LRP1B: variants seen among roughly 807,000 people sequenced by gnomAD.
The protein encoded by LRP1B is LDL receptor related protein 1B.
Under a neutral mutation model 556.6 loss-of-function variants are expected in LRP1B, and 217 were observed. The ratio of observed to expected loss-of-function variants is 0.39; its 90% CI spans 0.35 to 0.44. The LOEUF is 0.44. Ranked by LOEUF, LRP1B falls within the 20% of genes least tolerant of loss-of-function variation. The pLI, the probability that LRP1B is intolerant of heterozygous loss-of-function variation, is 1.00. For synonymous variants in LRP1B, 2,047 were observed against 1,865.8 expected (o/e 1.10, Z -2.50); for missense variants, 5,053 against 5,620.8 (o/e 0.90, Z 3.23).
chr2:142,112,966 T>C lies in LRP1B; in HGVS notation c.82+17682A>G, dbSNP rs180940506. Among the ~76,000 whole-genome samples, 13 of 152,264 alleles carry C rather than the reference T, an allele frequency of 8.5e-5. No individual in the cohort carries two copies. In the East Asian group the frequency reaches 2.5e-3, roughly 29 times the overall value. On this transcript the variant is annotated intron_variant, in intron 1 of 90. Coordinates refer to ENST00000389484, the MANE Select transcript of LRP1B (RefSeq NM_018557.3). ...CTCTTATTGCAAAATTTAATCTAAC[T>C]AGATGCTAATAAAAATAAGTTGGTA...
At chr2:140,985,729 C>T (rs996813125) in intron 17 of LRP1B, among the ~76,000 whole-genome samples, 1 of 151,858 alleles carries the variant, frequency 6.6e-6, no homozygotes, top group Admixed American at 6.6e-5. Flanking sequence ...ACAATCTATT[C>T]TGGTCAATTG....
At chr2:140,989,791 C>A (rs897299278) in intron 16 of LRP1B, 134 bp from the exon 17 acceptor site, 10 of 742,998 alleles carry the variant, frequency 1.3e-5, no homozygotes, top group East Asian at 8.5e-5. Context: ...TCATTCATTG[C>A]CTTATATTTA....
At chr2:141,297,148 G>T (rs1490858453) in intron 3 of LRP1B, among the ~76,000 whole-genome samples, 1 of 152,114 alleles carries the variant, frequency 6.6e-6, no homozygotes, top group African/African-American at 2.4e-5. Context: ...GCTATTGTGA[G>T]TAGTGCTGCT....
At chr2:140,453,300 G>A (rs984605540) in intron 62 of LRP1B, among the ~76,000 whole-genome samples, 1 of 151,504 alleles carries the variant, frequency 6.6e-6, no homozygotes, top group African/African-American at 2.4e-5. Flanking sequence ...GGGAGGCCAG[G>A]GTAAAATATA....
intron 2 of LRP1B, among the ~76,000 whole-genome samples, chr2:141,535,656 C>A (rs1376633084): frequency 6.6e-6 from 1 of 151,970 alleles, no homozygotes; most frequent in Non-Finnish European, 1.5e-5. Context: ...TCTTTCCTGG[C>A]AAATAAACCA....
At chr2:141,307,609 A>G (rs966081986) in intron 3 of LRP1B, among the ~76,000 whole-genome samples, 1 of 152,102 alleles carries the variant, frequency 6.6e-6, no homozygotes, top group African/African-American at 2.4e-5. Flanking sequence ...ACCTGTTTAC[A>G]TCCAAGGTTA....
chr2:141,610,216 T>C (rs986422996), intron 2 of LRP1B, among the ~76,000 whole-genome samples: 1 of 144,318 alleles, frequency 6.9e-6, no homozygotes, highest in African/African-American at 2.5e-5. Flanking sequence ...TACCTAATGC[T>C]AAATGACGAG....
chr2:140,636,661 A>G (rs1280708941), intron 41 of LRP1B, among the ~76,000 whole-genome samples: 1 of 152,214 alleles, frequency 6.6e-6, no homozygotes, highest in East Asian at 1.9e-4. Context: ...ATGTTATTAT[A>G]AAATATTCCA....
intron 6 of LRP1B, among the ~76,000 whole-genome samples, chr2:141,221,222 T>A (rs1237906717): frequency 7.2e-6 from 1 of 139,400 alleles, no homozygotes; most frequent in Non-Finnish European, 1.5e-5. Context: ...ATCAAGCAAA[T>A]GGAAAGCAGA....
intron 35 of LRP1B, among the ~76,000 whole-genome samples, chr2:140,747,184 C>T (rs1688346437): frequency 6.6e-6 from 1 of 152,224 alleles, no homozygotes; most frequent in South Asian, 2.1e-4. Context: ...TAGGCAGGAG[C>T]AGCTCTCTCT....
chr2:141,368,574 C>A lies in LRP1B; in HGVS notation c.343+111822G>T, dbSNP rs568707437. Among the ~76,000 whole-genome samples the A allele has an allele frequency of 5.3e-5, 8 of 152,266 alleles. No individual in the cohort carries two copies. In the South Asian group the frequency reaches 1.5e-3, roughly 28 times the overall value. On this transcript the variant is annotated intron_variant, in intron 3 of 90. Coordinates refer to ENST00000389484, the MANE Select transcript of LRP1B (RefSeq NM_018557.3). Reference sequence around the variant, plus strand: ...TCTGAATACAAATAAGGAAGAGATTCTAAATGTCAATGCATAATGGATACC... The same window carrying A: ...TCTGAATACAAATAAGGAAGAGATTATAAATGTCAATGCATAATGGATACC...
intron 1 of LRP1B, among the ~76,000 whole-genome samples, chr2:141,834,359 C>T (rs899763672): frequency 2.6e-5 from 4 of 151,640 alleles, no homozygotes; most frequent in South Asian, 4.2e-4. Flanking sequence ...AGCCATATAA[C>T]GAAGAGACCC....
chr2:141,720,209 AG>A, intron 2 of LRP1B, among the ~76,000 whole-genome samples: 1 of 152,296 alleles, frequency 6.6e-6, no homozygotes, highest in Admixed American at 6.5e-5. Context: ...GCTGGATTAA[AG>A]AAAGCTGTTA....
intron 3 of LRP1B, among the ~76,000 whole-genome samples, chr2:141,455,554 A>G (rs1433459558): frequency 6.6e-6 from 1 of 151,044 alleles, no homozygotes; most frequent in Non-Finnish European, 1.5e-5. Context: ...AACTACAAAA[A>G]GATGGAGATG....
chr2:142,031,280 C>G (rs1430638462), intron 1 of LRP1B, among the ~76,000 whole-genome samples: 1 of 147,900 alleles, frequency 6.8e-6, no homozygotes, highest in Non-Finnish European at 1.5e-5. Flanking sequence ...TTGCTGAACT[C>G]AATATATCTG....
intron 11 of LRP1B, among the ~76,000 whole-genome samples, chr2:141,029,109 C>T (rs1558810644): frequency 1.3e-5 from 2 of 152,040 alleles, no homozygotes; most frequent in South Asian, 2.1e-4. Context: ...TGCAAAAGCC[C>T]TGAGTTGGGA....
chr2:141,346,583 G>A lies in LRP1B; in HGVS notation c.344-91942C>T, dbSNP rs139198896. On this transcript the variant is annotated intron_variant, in intron 3 of 90. Transcript: ENST00000389484. Reference sequence around the variant, plus strand: ...CCCTGTTTCAACATGAATGAACTGTGTGAGGTATACCCTGAACGAAACCTG... The same window carrying A: ...CCCTGTTTCAACATGAATGAACTGTATGAGGTATACCCTGAACGAAACCTG... 4.2e-3 allele frequency among the ~76,000 whole-genome samples: 633 copies of A among 152,198 alleles called. 2 individuals are homozygous for A. The highest frequency in any genetic ancestry group is 0.014 in the African/African-American group (583 of 41,550).
intron 43 of LRP1B, among the ~76,000 whole-genome samples, chr2:140,565,827 A>T (rs1323603527): frequency 1.3e-5 from 2 of 152,132 alleles, no homozygotes; most frequent in Non-Finnish European, 2.9e-5. Context: ...ATGAGCTGGG[A>T]GTCAGGAGGA....
At chr2:140,712,686 T>G (rs150559754) in intron 37 of LRP1B, among the ~76,000 whole-genome samples, 1 of 152,266 alleles carries the variant, frequency 6.6e-6, no homozygotes, top group East Asian at 1.9e-4. Context: ...GTTTATTCTG[T>G]ATATGCTAGC....
Sources: gnomAD v4.1 joint callset for allele counts (sites outside exome capture counted in the v4.1 genomes callset) on GRCh38, gnomAD v4.1.1 for gene constraint, MANE v1.5 for transcripts, NCBI Gene and HGNC (gene_info 2026-07-23, HGNC 2026-07-21) for gene names.